EPHB1: variants seen among roughly 807,000 people sequenced by gnomAD.
The protein encoded by EPHB1 is ephrin type-B receptor 1.
A neutral mutation model predicts 94.4 loss-of-function variants in EPHB1; 30 were observed. The observed-to-expected ratio is 0.32, with a 90% CI of 0.24 to 0.43. EPHB1 has a LOEUF of 0.43. Among genes scored for constraint, EPHB1 ranks in the 20% least tolerant of loss-of-function variants. EPHB1 has a pLI of 1.00. For missense variants in EPHB1, 1,055 were observed against 1,308.3 expected (o/e 0.81, Z 2.99); for synonymous variants, 522 against 489.1 (o/e 1.07, Z -0.89).
intron 1 of EPHB1, among the ~76,000 whole-genome samples, chr3:134,808,368 G>T (rs887336678): frequency 2.0e-5 from 3 of 152,158 alleles, no homozygotes; most frequent in Non-Finnish European, 4.4e-5. Flanking sequence ...CTTGGGTCAT[G>T]TGTCTATGAA....
In EPHB1 at chr3:135,106,609, T is replaced by C. The variant is rs776419089; in HGVS notation, c.961+6T>C. 1.7e-5 allele frequency: 28 copies of C among 1,613,744 alleles called. No homozygotes were observed. The Admixed American group carries it at 4.5e-4, about 26-fold the overall frequency. On this transcript the variant is annotated splice_donor_region_variant and intron_variant, in intron 4 of 15. Coordinates refer to ENST00000398015, the MANE Select transcript of EPHB1 (RefSeq NM_004441.5). ...TCCAGAAGTGGCATGCACTAGTAAG[T>C]GTCTAGTAATGGCTCTGGGCTGGGG...
At chr3:134,872,339 G>A (rs543268296) in intron 1 of EPHB1, among the ~76,000 whole-genome samples, 214 of 152,360 alleles carry the variant, frequency 1.4e-3, no homozygotes, top group Non-Finnish European at 2.7e-3. Context: ...CCATTCGAGG[G>A]AGAGGCCCTT....
At chr3:135,184,842 G>T (rs1336749440) in intron 10 of EPHB1, among the ~76,000 whole-genome samples, 2 of 152,222 alleles carry the variant, frequency 1.3e-5, no homozygotes, top group Non-Finnish European at 2.9e-5. Flanking sequence ...TTGTTACCAT[G>T]AGTCTGACTA....
chr3:135,233,432 C>A (rs1943578865), intron 12 of EPHB1, among the ~76,000 whole-genome samples: 1 of 152,242 alleles, frequency 6.6e-6, no homozygotes, highest in South Asian at 2.1e-4. Flanking sequence ...AAGAGGTGGG[C>A]TCCCACAGCC....
intron 3 of EPHB1, among the ~76,000 whole-genome samples, chr3:134,970,230 C>A (rs1432536761): frequency 2.0e-5 from 3 of 152,158 alleles, no homozygotes; most frequent in Admixed American, 6.5e-5. Flanking sequence ...TCTCTGCTGT[C>A]TTCTAAAGTT....
intron 1 of EPHB1, among the ~76,000 whole-genome samples, chr3:134,811,766 C>A (rs1334904031): frequency 6.6e-6 from 1 of 152,190 alleles, no homozygotes; most frequent in Non-Finnish European, 1.5e-5. Flanking sequence ...ACTTAGTGGG[C>A]CCTCAGCCGA....
At chr3:134,987,630 G>A (rs952288819) in intron 3 of EPHB1, among the ~76,000 whole-genome samples, 3 of 152,128 alleles carry the variant, frequency 2.0e-5, no homozygotes, top group African/African-American at 7.2e-5. Flanking sequence ...AATCAGCTAG[G>A]TGTGGTGGCA....
chr3:135,060,425 A>G (rs1937464838), intron 3 of EPHB1, among the ~76,000 whole-genome samples: 1 of 152,220 alleles, frequency 6.6e-6, no homozygotes, highest in African/African-American at 2.4e-5. Context: ...TCCATTCATC[A>G]GTAGATGGGC....
intron 12 of EPHB1, among the ~76,000 whole-genome samples, chr3:135,237,528 A>T (rs1013511965): frequency 9.2e-5 from 14 of 151,992 alleles, no homozygotes; most frequent in African/African-American, 3.4e-4. Flanking sequence ...CCCATGCTCC[A>T]ACAGTGACCC....
At chr3:135,176,173 A>G (rs1941973080) in intron 9 of EPHB1, among the ~76,000 whole-genome samples, 1 of 152,100 alleles carries the variant, frequency 6.6e-6, no homozygotes, top group Admixed American at 6.5e-5. Flanking sequence ...AGAGTGCTCA[A>G]CCAAGTCACT....
At chr3:135,218,484 A>T (rs1205156437) in intron 12 of EPHB1, among the ~76,000 whole-genome samples, 1 of 152,222 alleles carries the variant, frequency 6.6e-6, no homozygotes, top group Non-Finnish European at 1.5e-5. Flanking sequence ...TCAGAGCCTG[A>T]GCCAGCATGT....
chr3:135,248,495 A>C lies in EPHB1; in HGVS notation c.2676A>C (p.Ala892=), dbSNP rs781368485. 1.2e-6 allele frequency: 2 copies of C among 1,605,496 alleles called. No individual in the cohort carries two copies. Among genetic ancestry groups the C allele is most frequent in the Non-Finnish European group, 1.7e-6 (2 of 1,174,062 alleles). The part of the protein sequence containing the change: ...IRNPASLKTV[A]TITAVPSQPL... ...ACCCGGCAAGTCTCAAGACTGTGGC[A>C]ACCATCACCGCCGTGTGAGTCTAGT... Residue 892 remains alanine (A), a synonymous_variant, in exon 14 of 16, where the codon GCA becomes GCC. Coordinates refer to ENST00000398015, the MANE Select transcript of EPHB1 (RefSeq NM_004441.5).
chr3:135,026,695 G>A (rs955044848), intron 3 of EPHB1, among the ~76,000 whole-genome samples: 4 of 127,432 alleles, frequency 3.1e-5, no homozygotes, highest in East Asian at 2.4e-4. Flanking sequence ...TTGGCAATGC[G>A]GGCTCTTTTT....
At chr3:134,854,167 G>C (rs116814644) in intron 1 of EPHB1, among the ~76,000 whole-genome samples, 1 of 152,128 alleles carries the variant, frequency 6.6e-6, no homozygotes, top group Admixed American at 6.5e-5. Flanking sequence ...GTAATTGTGC[G>C]ATAGGAGAGC....
At chr3:135,008,721 C>T (rs1050280794) in intron 3 of EPHB1, among the ~76,000 whole-genome samples, 1 of 152,122 alleles carries the variant, frequency 6.6e-6, no homozygotes, top group African/African-American at 2.4e-5. Context: ...AATGGCATTT[C>T]CTAGTTGAGT....
At chr3:135,229,065 A>G (rs1267758734) in intron 12 of EPHB1, among the ~76,000 whole-genome samples, 2 of 152,164 alleles carry the variant, frequency 1.3e-5, no homozygotes, top group Non-Finnish European at 2.9e-5. Flanking sequence ...TATAGAAGAT[A>G]CACAGGAAGG....
chr3:134,972,127 T>C (rs556073219), intron 3 of EPHB1, among the ~76,000 whole-genome samples: 2 of 152,252 alleles, frequency 1.3e-5, no homozygotes, highest in South Asian at 4.1e-4. Flanking sequence ...CTCTCCCCTG[T>C]GTGGGCCAGT....
At chr3:134,832,980 T>G (rs2036605895) in intron 1 of EPHB1, among the ~76,000 whole-genome samples, 1 of 152,250 alleles carries the variant, frequency 6.6e-6, no homozygotes, top group Non-Finnish European at 1.5e-5. Context: ...CCAGTAATGC[T>G]GTTTTTTAAA....
intron 3 of EPHB1, among the ~76,000 whole-genome samples, chr3:135,066,169 A>C (rs1222087551): frequency 6.6e-6 from 1 of 152,198 alleles, no homozygotes; most frequent in Non-Finnish European, 1.5e-5. Context: ...CCTGATGGCA[A>C]TGTGCCTAGG....
Sources: gnomAD v4.1 joint callset for allele counts (sites outside exome capture counted in the v4.1 genomes callset) on GRCh38, gnomAD v4.1.1 for gene constraint, MANE v1.5 for transcripts, NCBI Gene and HGNC (gene_info 2026-07-23, HGNC 2026-07-21) for gene names.